ATP2B1: variants seen among roughly 807,000 people sequenced by gnomAD.
ATP2B1 encodes plasma membrane calcium-transporting ATPase 1.
A neutral mutation model predicts 124.2 loss-of-function variants in ATP2B1; 14 were observed. The ratio of observed to expected loss-of-function variants is 0.11; its 90% CI spans 0.07 to 0.18. ATP2B1 has a LOEUF of 0.18. Ranked by LOEUF, ATP2B1 falls within the 10% of genes least tolerant of loss-of-function variation. The pLI is 1.00. For synonymous variants in ATP2B1, 449 were observed against 492.4 expected (o/e 0.91, Z 1.17); for missense variants, 763 against 1,466.1 (o/e 0.52, Z 7.83).
intron 3 of ATP2B1, 111 bp from the exon 4 acceptor site, chr12:89,635,362 T>C: frequency 8.0e-7 from 1 of 1,244,026 alleles, no homozygotes; most frequent in South Asian, 1.6e-5. Flanking sequence ...CAATTTTACT[T>C]ATAGCAATAA....
chr12:89,624,189 T>C lies in ATP2B1; in HGVS notation c.1338A>G (p.Ser446=). 2 of 1,613,772 alleles carry C rather than the reference T, an allele frequency of 1.2e-6. No individual in the cohort carries two copies. The highest frequency in any genetic ancestry group is 1.7e-6 in the Non-Finnish European group (2 of 1,179,788). The stretch of plus-strand genomic sequence containing the variant: ...TGAACTATTTTCTACTTACTTTGAC[T>C]GAATAAGCCAGTGAGATCGTGACTG... The part of the protein sequence containing the change: ...PLAVTISLAY[S]VKKMMKDNNL... Residue 446 remains serine, a synonymous_variant, in exon 9 of 21, where the codon TCA becomes TCG. Transcript: ENST00000428670.
intron 20 of ATP2B1, among the ~76,000 whole-genome samples, chr12:89,596,278 A>C (rs1874595288): frequency 6.6e-6 from 1 of 152,122 alleles, no homozygotes; most frequent in Non-Finnish European, 1.5e-5. Flanking sequence ...ATATGAAGCT[A>C]ATCAGTAGCA....
At chr12:89,703,991 AT>A (rs1190968849) in intron 1 of ATP2B1, among the ~76,000 whole-genome samples, 2 of 152,198 alleles carry the variant, frequency 1.3e-5, no homozygotes, top group Admixed American at 1.3e-4. Context: ...CTTCATGCAC[AT>A]TAATGCTGGA....
Position 89,675,802 on chromosome 12 carries a change from T to C in ATP2B1, c.-221-19695A>G, listed in dbSNP as rs971993045. On this transcript the variant is annotated intron_variant, in intron 1 of 20. Coordinates refer to ENST00000428670, the MANE Select transcript of ATP2B1 (RefSeq NM_001366521.1). ...ACACATTTATAATTCCAGTGATAGG[T>C]GTTCTGTTAACTTTCTGGGGAAAGA... 1.1e-4 allele frequency among the ~76,000 whole-genome samples: 16 copies of C among 152,258 alleles called. No individual in the cohort carries two copies. In the South Asian group the frequency reaches 2.7e-3, roughly 26 times the overall value.
chr12:89,686,076 G>A (rs935548120), intron 1 of ATP2B1, among the ~76,000 whole-genome samples: 4 of 151,934 alleles, frequency 2.6e-5, no homozygotes, highest in Admixed American at 6.6e-5. Context: ...CTTTTGCTTC[G>A]GACATTATTT....
chr12:89,635,379 T>C (rs960408581), intron 3 of ATP2B1, 128 bp from the exon 4 acceptor site: 3 of 1,131,794 alleles, frequency 2.7e-6, no homozygotes, highest in African/African-American at 1.6e-5. Flanking sequence ...ATAAATACTT[T>C]ATTAAATTCA....
chr12:89,667,632 T>C (rs1370351248), intron 1 of ATP2B1, among the ~76,000 whole-genome samples: 3 of 152,216 alleles, frequency 2.0e-5, no homozygotes, highest in Admixed American at 6.5e-5. Flanking sequence ...GTAAACTCTA[T>C]GTCCAAGGCT....
Position 89,624,290 on chromosome 12 carries a change from T to C in ATP2B1, c.1237A>G (p.Ile413Val), listed in dbSNP as rs905770927. Reference sequence around the variant, plus strand: ...ATGAAGAACTTCACAAAGTATTGTATATAAATTGGTGTGCACTCAGCAAGC... The same window carrying C: ...ATGAAGAACTTCACAAAGTATTGTACATAAATTGGTGTGCACTCAGCAAGC... The part of the protein sequence containing the change: ...PWLAECTPIY[I>V]QYFVKFFIIG... The change falls in exon 9 of 21, where the codon ATA (isoleucine) becomes GTA (valine). Residue 413 changes from isoleucine to valine, a missense_variant. Physicochemically the swap from Ile to Val is conservative, Grantham distance 29. Around this residue, in one of 7 missense-constraint regions of ATP2B1, gnomAD observed 392 missense variants for 776.6 expected, o/e 0.50. Transcript: ENST00000428670. The C allele has an allele frequency of 2.5e-6, 4 of 1,614,036 alleles. No homozygotes were observed. Among genetic ancestry groups the C allele is most frequent in the African/African-American group, 1.3e-5 (1 of 74,910 alleles).
chr12:89,631,927 G>T (rs75309829), intron 5 of ATP2B1, among the ~76,000 whole-genome samples: 2 of 151,554 alleles, frequency 1.3e-5, no homozygotes, highest in Non-Finnish European at 2.9e-5. Context: ...CACCGTGCTC[G>T]GCCTGAAGGT....
chr12:89,668,724 T>C (rs1033394570), intron 1 of ATP2B1, among the ~76,000 whole-genome samples: 42 of 152,188 alleles, frequency 2.8e-4, no homozygotes, highest in African/African-American at 1.0e-3. Flanking sequence ...ATACATGTAG[T>C]AGACCAACAG....
At chr12:89,662,219 CAT>C (rs1320984034) in intron 1 of ATP2B1, among the ~76,000 whole-genome samples, 1 of 151,174 alleles carries the variant, frequency 6.6e-6, no homozygotes, top group East Asian at 1.9e-4. Flanking sequence ...AACCTTCTTA[CAT>C]AGTCACTTTC....
intron 10 of ATP2B1, 76 bp from the exon 11 acceptor site, chr12:89,620,316 C>T (rs567854237): frequency 1.0e-5 from 15 of 1,471,274 alleles, no homozygotes; most frequent in Admixed American, 4.2e-5. Flanking sequence ...AAACAGACTG[C>T]GATATTCTAA....
At chr12:89,686,074 T>G (rs1434797339) in intron 1 of ATP2B1, among the ~76,000 whole-genome samples, 3 of 152,126 alleles carry the variant, frequency 2.0e-5, no homozygotes, top group Non-Finnish European at 2.9e-5. Context: ...CACTTTTGCT[T>G]CGGACATTAT....
At chr12:89,611,144 A>G in intron 13 of ATP2B1, 49 bp downstream of exon 13, 1 of 1,479,526 alleles carries the variant, frequency 6.8e-7, no homozygotes, top group South Asian at 1.3e-5. Flanking sequence ...TAAATTCCTA[A>G]TATATTAAAC....
intron 1 of ATP2B1, among the ~76,000 whole-genome samples, chr12:89,683,836 C>G (rs1889647085): frequency 6.6e-6 from 1 of 152,168 alleles, no homozygotes; most frequent in African/African-American, 2.4e-5. Flanking sequence ...TTCCAGCAAT[C>G]TCAATTCCAG....
At chr12:89,632,256 G>C (rs576282996) in intron 5 of ATP2B1, among the ~76,000 whole-genome samples, 3 of 152,074 alleles carry the variant, frequency 2.0e-5, no homozygotes, top group Non-Finnish European at 2.9e-5. Context: ...TGATGCTCAA[G>C]GATTATTTGC....
chr12:89,708,332 G>A (rs1249509444), intron 1 of ATP2B1, among the ~76,000 whole-genome samples: 4 of 152,304 alleles, frequency 2.6e-5, no homozygotes, highest in South Asian at 4.1e-4. Flanking sequence ...CATCCCTCGG[G>A]CCCGGAGCAG....
chr12:89,658,421 GC>G (rs1470894063), intron 1 of ATP2B1, among the ~76,000 whole-genome samples: 2 of 152,316 alleles, frequency 1.3e-5, no homozygotes, highest in South Asian at 4.1e-4. Flanking sequence ...AGGTTTAAAA[GC>G]CTACTGGAGT....
At chr12:89,655,632 T>G (rs780454257) in intron 2 of ATP2B1, 47 bp downstream of exon 2, 1 of 1,545,284 alleles carries the variant, frequency 6.5e-7, no homozygotes, top group South Asian at 1.1e-5. Flanking sequence ...GCCAAATATA[T>G]AGAACTCTTT....
Sources: allele counts gnomAD v4.1 joint callset (sites outside exome capture counted in the v4.1 genomes callset), GRCh38; gene constraint gnomAD v4.1.1; regional missense constraint gnomAD v4.1.1; transcripts MANE v1.5; gene names NCBI Gene and HGNC (gene_info 2026-07-23, HGNC 2026-07-21).